The following C2CD5 variants were observed in gnomAD, a reference collection of about 807,000 sequenced individuals.
The protein encoded by C2CD5 is C2 calcium dependent domain containing 5.
C2CD5 carries 109 observed loss-of-function variants against 130.3 expected under a neutral mutation model. The ratio of observed to expected loss-of-function variants is 0.84; its 90% CI spans 0.72 to 0.98. The LOEUF (loss-of-function observed/expected upper bound fraction) is 0.98. Among genes scored for constraint, C2CD5 ranks in the 50% least tolerant of loss-of-function variants. C2CD5 has a pLI of 0.00. For missense variants in C2CD5, 996 were observed against 1,261.8 expected, an observed-to-expected ratio of 0.79 and a Z score of 3.19; for synonymous variants, 454 against 429.2, an observed-to-expected ratio of 1.06 and a Z score of -0.71.
chr12:22,508,330 G>C (rs1024245044), intron 9 of C2CD5, among the ~76,000 whole-genome samples: 1 of 152,158 alleles, frequency 6.6e-6, no homozygotes, highest in African/African-American at 2.4e-5. Flanking sequence ...TAGCCCAGCA[G>C]AAAGGTAGAG....
chr12:22,516,303 T>C (rs1949714438), intron 8 of C2CD5, among the ~76,000 whole-genome samples: 1 of 151,776 alleles, frequency 6.6e-6, no homozygotes, highest in South Asian at 2.1e-4. Context: ...AATTTAGAGA[T>C]ATTTAGGGAC....
At chr12:22,458,907 T>A (rs189251267) in intron 23 of C2CD5, 1 of 179,474 alleles carries the variant, frequency 5.6e-6, no homozygotes, top group African/African-American at 2.3e-5. Context: ...TTATTTCCTA[T>A]TCTTCTTAAT....
At chr12:22,479,745 T>C (rs1328357908) in intron 14 of C2CD5, among the ~76,000 whole-genome samples, 1 of 152,170 alleles carries the variant, frequency 6.6e-6, no homozygotes, top group Non-Finnish European at 1.5e-5. Flanking sequence ...CTATATTTCA[T>C]TAGTACTGGA....
intron 4 of C2CD5, among the ~76,000 whole-genome samples, chr12:22,527,036 G>C (rs1950781129): frequency 6.6e-6 from 1 of 152,128 alleles, no homozygotes. Flanking sequence ...GCCTGCAATG[G>C]CATGTGCCTG....
At chr12:22,528,290 CT>C (rs1950909732) in intron 3 of C2CD5, among the ~76,000 whole-genome samples, 1 of 152,152 alleles carries the variant, frequency 6.6e-6, no homozygotes, top group African/African-American at 2.4e-5. Context: ...ACCACAATTT[CT>C]AAGGGCGATT....
chr12:22,462,923 C>T (rs969423564), intron 22 of C2CD5, among the ~76,000 whole-genome samples: 50 of 151,726 alleles, frequency 3.3e-4, no homozygotes, highest in Middle Eastern at 3.4e-3. Flanking sequence ...CCCATCACTA[C>T]AAAAAAAGAT....
chr12:22,544,056 C>A lies in C2CD5; in HGVS notation c.90+5G>T. On this transcript the variant is annotated splice_donor_5th_base_variant and intron_variant, in intron 2 of 26. Coordinates refer to ENST00000446597, the MANE Select transcript of C2CD5 (RefSeq NM_001286176.2). ...GTGTTTTGAGGGGCAGGACCCTGCA[C>A]CAACCTCCACGAAGGCATCAGTCAG... 1 of 1,608,996 alleles carries A rather than the reference C, an allele frequency of 6.2e-7. No individual in the cohort carries two copies. The highest frequency in any genetic ancestry group is 8.5e-7 in the Non-Finnish European group (1 of 1,175,858).
At chr12:22,490,020 C>A in intron 12 of C2CD5, 103 bp downstream of exon 12, 1 of 774,394 alleles carries the variant, frequency 1.3e-6, no homozygotes, top group East Asian at 2.6e-5. Flanking sequence ...CACTGTACCC[C>A]TGTAAGCCAC....
intron 2 of C2CD5, among the ~76,000 whole-genome samples, chr12:22,540,645 G>A (rs752315339): frequency 6.6e-6 from 1 of 152,186 alleles, no homozygotes; most frequent in Non-Finnish European, 1.5e-5. Context: ...GATCACCTGA[G>A]GTCAGGAGTT....
chr12:22,471,299 A>T (rs1591982369), intron 20 of C2CD5, 100 bp downstream of exon 20: 3 of 688,306 alleles, frequency 4.4e-6, no homozygotes, highest in Non-Finnish European at 2.5e-6. Context: ...GAGGTAAACT[A>T]GTATATGTTT....
At chr12:22,514,990 A>G (rs1024208035) in intron 8 of C2CD5, 1 of 985,262 alleles carries the variant, frequency 1.0e-6, no homozygotes, top group African/African-American at 1.7e-5. Context: ...CTTCACTGAA[A>G]GAAACACTTT....
chr12:22,508,884 T>C (rs1948870180), intron 9 of C2CD5, among the ~76,000 whole-genome samples: 1 of 151,708 alleles, frequency 6.6e-6, no homozygotes, highest in African/African-American at 2.4e-5. Context: ...TTTTTTTTTT[T>C]TTTGAGACGG....
At chr12:22,535,494 T>C in intron 2 of C2CD5, 150 bp from the exon 3 acceptor site, 1 of 591,822 alleles carries the variant, frequency 1.7e-6, no homozygotes, top group African/African-American at 1.9e-5. Flanking sequence ...TACAGATGGA[T>C]CCAGGTAAGA....
chr12:22,531,405 A>G (rs1284189644), intron 3 of C2CD5, among the ~76,000 whole-genome samples: 1 of 152,202 alleles, frequency 6.6e-6, no homozygotes, highest in South Asian at 2.1e-4. Context: ...TATAGTAATC[A>G]AAACAGTATG....
At chr12:22,464,619 T>G (rs1941747691) in intron 22 of C2CD5, among the ~76,000 whole-genome samples, 1 of 152,152 alleles carries the variant, frequency 6.6e-6, no homozygotes, top group Admixed American at 6.6e-5. Context: ...TAGTTTCTGT[T>G]TTTTGCATTC....
At position 22,484,597 on chromosome 12, in the gene C2CD5, A is replaced by C. The variant is rs547961796; in HGVS notation, c.1550+100T>G. On this transcript the variant is annotated intron_variant, in intron 13 of 26. Transcript: ENST00000446597. ...AGAATTGTCCAGTTTGTGCAGGATC[A>C]AACAGGTAGGAAACAGTAAAGCTGA... 6.4e-5 allele frequency: 35 copies of C among 551,128 alleles called. No homozygotes were observed. The East Asian group carries it at 1.0e-3, about 16-fold the overall frequency. 34.1% of individuals were successfully genotyped at this position (551,128 alleles called of 1,614,324 possible). A position where few individuals can be genotyped will look rare whatever the true frequency, so the allele number is the denominator to read the frequency against.
At chr12:22,524,731 C>T in intron 5 of C2CD5, 104 bp from the exon 6 acceptor site, 3 of 682,286 alleles carry the variant, frequency 4.4e-6, no homozygotes, top group East Asian at 2.7e-5. Flanking sequence ...AATACAAGAA[C>T]ATCTTTTACT....
chr12:22,521,798 T>C lies in C2CD5; in HGVS notation c.800+1628A>G, dbSNP rs547591734. ...AATAAAATTCAACCCAAATGACTAA[T>C]GGCCAGCAGAAATAAAATGGCTAAC... On this transcript the variant is annotated intron_variant, in intron 7 of 26. Coordinates refer to ENST00000446597, the MANE Select transcript of C2CD5 (RefSeq NM_001286176.2). 2.6e-5 allele frequency among the ~76,000 whole-genome samples: 4 copies of C among 152,292 alleles called. No homozygotes were observed. The South Asian group carries it at 8.3e-4, about 32-fold the overall frequency.
Position 22,472,274 on chromosome 12 carries a change from A to T in C2CD5, c.2169+12T>A, listed in dbSNP as rs1943161512. The stretch of plus-strand genomic sequence containing the variant: ...TGTGTTATGTGCTTAAAATTAAGAA[A>T]AAAAGGTTTACCTGTATTTCAGAGG... On this transcript the variant is annotated intron_variant, in intron 18 of 26. Coordinates refer to ENST00000446597, the MANE Select transcript of C2CD5 (RefSeq NM_001286176.2). 2.8e-6 allele frequency: 4 copies of T among 1,448,098 alleles called. No individual in the cohort carries two copies. The highest frequency in any genetic ancestry group is 3.8e-6 in the Non-Finnish European group (4 of 1,052,160). The allele number at this position is 1,448,098 out of a possible 1,614,324, so 89.7% of individuals were successfully genotyped here.
Sources: allele counts gnomAD v4.1 joint callset (sites outside exome capture counted in the v4.1 genomes callset), GRCh38; gene constraint gnomAD v4.1.1; transcripts MANE v1.5; gene names NCBI Gene and HGNC (gene_info 2026-07-23, HGNC 2026-07-21).